Variants in RACGAP1 observed in about 807,000 individuals in gnomAD.
The protein encoded by RACGAP1 is rac GTPase-activating protein 1.
A neutral mutation model predicts 78.1 loss-of-function variants in RACGAP1; 30 were observed. That is an observed-to-expected ratio of 0.38 (90% CI 0.29 to 0.52). RACGAP1 has a LOEUF of 0.52. Among genes scored for constraint, RACGAP1 ranks in the 20% least tolerant of loss-of-function variants. The pLI is 0.82. For missense variants in RACGAP1, 587 were observed against 777.1 expected (o/e 0.76, Z 2.91); for synonymous variants, 231 against 264.8 (o/e 0.87, Z 1.24).
At chr12:50,007,894 C>T (rs1253073417) in intron 2 of RACGAP1, among the ~76,000 whole-genome samples, 1 of 147,540 alleles carries the variant, frequency 6.8e-6, no homozygotes, top group African/African-American at 2.5e-5. Context: ...GAACATACTA[C>T]TTTTTTGTGG....
intron 12 of RACGAP1, 54 bp from the exon 13 acceptor site, chr12:49,992,709 G>T: frequency 7.0e-7 from 1 of 1,422,576 alleles, no homozygotes; most frequent in Non-Finnish European, 9.8e-7. Flanking sequence ...CTTGACAGCG[G>T]GCTTCCAAGT....
chr12:49,997,604 G>A (rs553217571), intron 9 of RACGAP1, among the ~76,000 whole-genome samples: 4 of 145,216 alleles, frequency 2.8e-5, no homozygotes, highest in African/African-American at 7.7e-5. Context: ...ACAGAGTTTC[G>A]CTCTTGTTGC....
At chr12:50,015,972 C>A (rs1224992102) in intron 2 of RACGAP1, among the ~76,000 whole-genome samples, 1 of 151,234 alleles carries the variant, frequency 6.6e-6, no homozygotes, top group Non-Finnish European at 1.5e-5. Flanking sequence ...CAAAGAAAAT[C>A]CAGGATAAAA....
At chr12:49,998,993 A>T (rs1948482164) in intron 9 of RACGAP1, 148 bp downstream of exon 9, 5 of 988,600 alleles carry the variant, frequency 5.1e-6, no homozygotes, top group Non-Finnish European at 6.9e-6. Flanking sequence ...TACCTCTGTA[A>T]CCAATAGTTA....
chr12:50,000,710 C>T (rs534590309), intron 7 of RACGAP1, among the ~76,000 whole-genome samples: 1 of 152,180 alleles, frequency 6.6e-6, no homozygotes, highest in Non-Finnish European at 1.5e-5. Flanking sequence ...TTTACTACAT[C>T]AGAGTAATTC....
chr12:50,017,629 G>C (rs1454235852), intron 1 of RACGAP1, among the ~76,000 whole-genome samples: 5 of 152,222 alleles, frequency 3.3e-5, no homozygotes, highest in African/African-American at 1.2e-4. Context: ...AACTATCAAG[G>C]AAATGAAATA....
At chr12:50,006,902 GT>G (rs1435341202) in intron 2 of RACGAP1, among the ~76,000 whole-genome samples, 1 of 152,194 alleles carries the variant, frequency 6.6e-6, no homozygotes, top group Non-Finnish European at 1.5e-5. Flanking sequence ...TAACTCATTA[GT>G]CACCTGGCTC....
intron 10 of RACGAP1, 110 bp downstream of exon 10, chr12:49,996,930 G>A: frequency 7.4e-7 from 1 of 1,360,374 alleles, no homozygotes; most frequent in South Asian, 2.2e-5. Context: ...GTCATTATTT[G>A]TGGAAAGAAA....
At chr12:49,991,471 ATATATATATTTTTTT>A (rs1261755429) in intron 15 of RACGAP1, among the ~76,000 whole-genome samples, 2 of 27,628 alleles carry the variant, frequency 7.2e-5, no homozygotes, top group African/African-American at 1.7e-4. Flanking sequence ...ATATATATAT[ATATATATATTTTTTT>A]TTTTTTTTTT....
chr12:50,004,845 G>A (rs978830258), intron 4 of RACGAP1, among the ~76,000 whole-genome samples: 2 of 152,216 alleles, frequency 1.3e-5, no homozygotes, highest in Non-Finnish European at 2.9e-5. Flanking sequence ...AAACAGTGGT[G>A]CAGTGGAACC....
Position 49,990,680 on chromosome 12 carries a change from A to T in RACGAP1, c.1823+4T>A. ...TATTTCCTAGGAAGGCCAATTCTGC[A>T]TACCTAGGAGTGTTCTTGGTGAGGG... On this transcript the variant is annotated splice_donor_region_variant and intron_variant, in intron 16 of 16. Transcript: ENST00000312377. 1 of 1,595,964 alleles carries T rather than the reference A, an allele frequency of 6.3e-7. No individual in the cohort carries two copies. Among genetic ancestry groups the T allele is most frequent in the Non-Finnish European group, 8.6e-7 (1 of 1,166,314 alleles).
rs188536167 is a variant in RACGAP1 at position 50,008,675 on chromosome 12, T to C, written c.86-2039A>G. Among the ~76,000 whole-genome samples the C allele has an allele frequency of 7.9e-5, 12 of 152,030 alleles. No homozygotes were observed. In the East Asian group the frequency reaches 2.3e-3, roughly 30 times the overall value. On this transcript the variant is annotated intron_variant, in intron 2 of 16. Coordinates refer to ENST00000312377, the MANE Select transcript of RACGAP1 (RefSeq NM_001319999.2). ...ACCTGGCTAATTTTTGTATTTTAAC[T>C]AGAGATGGGGTTTCACCACGTTGGC... is the stretch of plus-strand genomic sequence containing the variant.
intron 5 of RACGAP1, among the ~76,000 whole-genome samples, chr12:50,003,422 T>C (rs891776294): frequency 9.2e-5 from 14 of 152,222 alleles, no homozygotes; most frequent in African/African-American, 3.4e-4. Flanking sequence ...AGAAAGGTGA[T>C]GCCTAATATT....
At chr12:50,020,264 A>G (rs993968185) in intron 1 of RACGAP1, among the ~76,000 whole-genome samples, 3 of 22,800 alleles carry the variant, frequency 1.3e-4, no homozygotes, top group African/African-American at 1.4e-4. Context: ...CGCAACTTCC[A>G]TTTTCAGGGT....
chr12:49,991,477 ATATTTTTTTTT>A (rs1225737541), intron 15 of RACGAP1, among the ~76,000 whole-genome samples: 7 of 36,962 alleles, frequency 1.9e-4, no homozygotes, highest in Admixed American at 7.7e-4. Flanking sequence ...ATATATATAT[ATATTTTTTTTT>A]TTTTTTTTTT....
chr12:50,005,346 G>C lies in RACGAP1; in HGVS notation c.335C>G (p.Ser112Cys). 2 of 1,614,234 alleles carry C rather than the reference G, an allele frequency of 1.2e-6. No individual in the cohort carries two copies. Among genetic ancestry groups the C allele is most frequent in the East Asian group, 4.5e-5 (2 of 44,886 alleles). ...CTCCTCGCTTAGTTGAATGCTGCCA[G>C]ATGTGTCACACATGAGCATCTCTCG... Reference protein sequence around the residue: ...LIREMLMCDTSGSIQLSEEQK... With the variant: ...LIREMLMCDTCGSIQLSEEQK... The change falls in exon 4 of 17, where the codon TCT (serine) becomes TGT (cysteine). Residue 112 changes from serine (S) to cysteine (C), a missense_variant. Physicochemically the swap from Ser to Cys is moderately radical, Grantham distance 112. Coordinates refer to ENST00000312377, the MANE Select transcript of RACGAP1 (RefSeq NM_001319999.2).
upstream of RACGAP1, among the ~76,000 whole-genome samples, chr12:50,028,035 G>A (rs1002715491): frequency 3.3e-5 from 5 of 152,194 alleles, no homozygotes; most frequent in East Asian, 1.9e-4. Flanking sequence ...ATCCTGTAAC[G>A]GACTCAATGA....
At chr12:49,993,401 T>C (rs577376679) in intron 12 of RACGAP1, among the ~76,000 whole-genome samples, 1 of 152,120 alleles carries the variant, frequency 6.6e-6, no homozygotes, top group East Asian at 1.9e-4. Flanking sequence ...AGCAAGAGGA[T>C]AGGCAAGGGT....
Position 49,990,081 on chromosome 12 carries a change from A to G in RACGAP1, c.*187T>C, listed in dbSNP as rs1426446961. The G allele has an allele frequency of 2.1e-6, 1 of 483,396 alleles. No homozygotes were observed. The highest frequency in any genetic ancestry group is 1.9e-5 in the African/African-American group (1 of 52,762). 29.9% of individuals were successfully genotyped at this position (483,396 alleles called of 1,614,324 possible). A position where few individuals can be genotyped will look rare whatever the true frequency, so the allele number is the denominator to read the frequency against. On this transcript the variant is annotated 3_prime_UTR_variant, in exon 17 of 17. Coordinates refer to ENST00000312377, the MANE Select transcript of RACGAP1 (RefSeq NM_001319999.2). ...ATGACCAGCACAAAGTGCTGATATT[A>G]TGTGACTTGAGGAGAAGGAAGGGGA...
Sources: gnomAD v4.1 joint callset for allele counts (sites outside exome capture counted in the v4.1 genomes callset) on GRCh38, gnomAD v4.1.1 for gene constraint, MANE v1.5 for transcripts, NCBI Gene and HGNC (gene_info 2026-07-23, HGNC 2026-07-21) for gene names.